Variants in FBN3 observed in about 807,000 individuals in gnomAD.
FBN3 encodes fibrillin 3, also known as fibrillin-3.
FBN3 carries 234 observed loss-of-function variants against 330.1 expected under a neutral mutation model. That is an observed-to-expected ratio of 0.71 (90% CI 0.64 to 0.79). The LOEUF is 0.79. Ranked by LOEUF, FBN3 falls within the 30% of genes least tolerant of loss-of-function variation. The pLI is 0.00. For missense variants in FBN3, 3,606 were observed against 3,886.9 expected (o/e 0.93, Z 1.92); for synonymous variants, 1,458 against 1,517.3 (o/e 0.96, Z 0.91).
At chr19:8,100,714 A>G (rs1373626102) in intron 41 of FBN3, among the ~76,000 whole-genome samples, 187 bp downstream of exon 41, 1 of 152,152 alleles carries the variant, frequency 6.6e-6, no homozygotes, top group Non-Finnish European at 1.5e-5. Flanking sequence ...AAATAGTGTC[A>G]TTCTTTTTTT....
chr19:8,148,365 G>C (rs536852657), intron 1 of FBN3, among the ~76,000 whole-genome samples: 4 of 152,302 alleles, frequency 2.6e-5, no homozygotes, highest in African/African-American at 9.6e-5. Context: ...AATGCAGAGA[G>C]TAACCCTGTG....
intron 37 of FBN3, among the ~76,000 whole-genome samples, chr19:8,106,949 G>A (rs1241269427): frequency 2.0e-5 from 3 of 151,354 alleles, no homozygotes. Flanking sequence ...AGGTGGGTGG[G>A]AGATGGATGG....
chr19:8,130,665 GAAAAGAAAAGAAAAGAAAAGAAAA>G (rs2083123300), intron 16 of FBN3, among the ~76,000 whole-genome samples: 1 of 109,442 alleles, frequency 9.1e-6, no homozygotes, highest in African/African-American at 4.0e-5. Context: ...GAAAGGAAAA[GAAAAGAAAAGAAAAGAAAAGAAAA>G]GAAAAGAAAA....
chr19:8,132,312 T>A (rs1390053611), intron 14 of FBN3, among the ~76,000 whole-genome samples: 1 of 152,052 alleles, frequency 6.6e-6, no homozygotes, highest in Non-Finnish European at 1.5e-5. Context: ...CCTTCCAAAG[T>A]GCTGGGATTA....
intron 6 of FBN3, among the ~76,000 whole-genome samples, chr19:8,143,317 G>A (rs1166413104): frequency 6.6e-6 from 1 of 151,846 alleles, no homozygotes; most frequent in Admixed American, 6.6e-5. Flanking sequence ...AAGTCCCTCG[G>A]CCAACACTGA....
At chr19:8,135,936 G>GGGGGGGGGGGGGGGCGGGCGCCCCCCCC in intron 13 of FBN3, 25 bp downstream of exon 13, 1 of 668,778 alleles carries the variant, frequency 1.5e-6, no homozygotes. Context: ...GGAAGCCCCT[G>GGGGGGGGGGGGGGGCGGGCGCCCCCCCC]CCCACCCGCC....
intron 24 of FBN3, among the ~76,000 whole-genome samples, chr19:8,122,090 C>T (rs1410479414): frequency 6.6e-6 from 1 of 151,986 alleles, no homozygotes; most frequent in South Asian, 2.1e-4. Flanking sequence ...GGTGTGATCA[C>T]AGCTCACTGC....
At chr19:8,091,908 G>A (rs1223275063) in intron 47 of FBN3, among the ~76,000 whole-genome samples, 2 of 152,190 alleles carry the variant, frequency 1.3e-5, no homozygotes, top group Non-Finnish European at 2.9e-5. Flanking sequence ...AAGGCCGGGC[G>A]CGGTGGCTCA....
chr19:8,134,114 T>C (rs1430037319), intron 13 of FBN3, among the ~76,000 whole-genome samples: 5 of 149,190 alleles, frequency 3.4e-5, no homozygotes, highest in East Asian at 2.0e-4. Flanking sequence ...TGGTGGTGGG[T>C]GCCTGTGGTC....
rs759880131 is a variant in FBN3, at chr19:8,087,096, G to T, written c.6735C>A (p.Gly2245=). ...CCATACCTGTGCAGCCCTCCCCAGAGCCAGGCAGGGGCCGCATGCCTGGGG... is the reference window on the plus strand; with the variant it reads ...CCATACCTGTGCAGCCCTCCCCAGATCCAGGCAGGGGCCGCATGCCTGGGG... ...VCPPGMRPLP[G]SGEGCTDDNE... is the part of the protein sequence containing the mutation. Residue 2245 remains glycine (G), a synonymous_variant, in exon 54 of 64, where the codon GGC becomes GGA. Transcript: ENST00000600128. The T allele has an allele frequency of 1.7e-5, 27 of 1,609,198 alleles. No homozygotes were observed. The highest frequency in any genetic ancestry group is 2.2e-5 in the Non-Finnish European group (26 of 1,179,322).
intron 50 of FBN3, 45 bp from the exon 51 acceptor site, chr19:8,089,715 A>G (rs374235938): frequency 1.9e-6 from 3 of 1,608,758 alleles, no homozygotes; most frequent in Non-Finnish European, 2.5e-6. Flanking sequence ...TCACCACACA[A>G]TCGCCAGAGC....
rs140620104 is a variant in FBN3 at position 8,087,132 on chromosome 19, C to A, written c.6699G>T (p.Ala2233=). 4 of 1,611,034 alleles carry A rather than the reference C, an allele frequency of 2.5e-6. No homozygotes were observed. In the African/African-American group the frequency reaches 4.0e-5, roughly 16 times the overall value. ...GCCGCATGCCTGGGGGACAGACGCA[C>A]GCGAAGGTACCGATGAGGTTCTTGC... The part of the protein sequence containing the change: ...MECKNLIGTF[A]CVCPPGMRPL... The change falls in exon 54 of 64, where the codon GCG becomes GCT. Residue 2233 remains alanine, a synonymous_variant. Coordinates refer to ENST00000600128, the MANE Select transcript of FBN3 (RefSeq NM_032447.5).
At position 8,096,115 on chromosome 19, in the gene FBN3, A is replaced by C; in HGVS notation, c.5540-35T>G. ...CAAAGCCGAGAGCCCAACCCAGCTC[A>C]CCCAGGGCATTGGGGAACTTGGGGA... On this transcript the variant is annotated intron_variant, in intron 44 of 63. Transcript: ENST00000600128. This position sits in a 1 kb window ranked among gnomAD's most constrained non-coding sequence, Gnocchi z 4.6. 158 of 1,530,688 alleles carry C rather than the reference A, an allele frequency of 1.0e-4. No homozygotes were observed. The highest frequency in any genetic ancestry group is 1.3e-4 in the Non-Finnish European group (145 of 1,104,464). The allele number at this position is 1,530,688 out of a possible 1,614,324, so 94.8% of individuals were successfully genotyped here.
At position 8,102,861 on chromosome 19, in the gene FBN3, C is replaced by G. The variant is rs768423750; in HGVS notation, c.4952G>C (p.Ser1651Thr). The G allele has an allele frequency of 1.2e-5, 19 of 1,614,046 alleles. No homozygotes were observed. The highest frequency in any genetic ancestry group is 1.4e-5 in the Non-Finnish European group (17 of 1,180,028). ...GCCGTTATAGTGCCGGAAGCAGACA[C>G]TCTTCCTCATATCTGTAGTTGGCAC... is the stretch of plus-strand genomic sequence containing the variant. ...GGNNCMDMRK[S>T]VCFRHYNGTC... The change falls in exon 40 of 64, where the codon AGT (serine) becomes ACT (threonine). Residue 1651 changes from serine (S) to threonine (T), a missense_variant. Coordinates refer to ENST00000600128, the MANE Select transcript of FBN3 (RefSeq NM_032447.5).
chr19:8,126,404 G>A (rs553960179), intron 20 of FBN3, 57 bp from the exon 21 acceptor site: 9 of 1,588,246 alleles, frequency 5.7e-6, no homozygotes, highest in African/African-American at 5.3e-5. Context: ...CCAGCCCAAG[G>A]GGGGACCCGC....
chr19:8,125,488 G>A (rs1196297363), intron 22 of FBN3, among the ~76,000 whole-genome samples: 3 of 151,766 alleles, frequency 2.0e-5, no homozygotes, highest in Non-Finnish European at 4.4e-5. Flanking sequence ...CCCAAAGGAT[G>A]CCTGAAATCT....
intron 57 of FBN3, among the ~76,000 whole-genome samples, chr19:8,082,019 G>A (rs1164062606): frequency 3.3e-5 from 5 of 150,780 alleles, no homozygotes; most frequent in African/African-American, 7.3e-5. Flanking sequence ...GCTGGAATGC[G>A]ATGGCGCAAT....
intron 38 of FBN3, among the ~76,000 whole-genome samples, chr19:8,105,562 G>C (rs2082420876): frequency 6.6e-6 from 1 of 152,098 alleles, no homozygotes; most frequent in Non-Finnish European, 1.5e-5. Flanking sequence ...ACCCAGCCTT[G>C]AATTTCATAT....
rs767691659 is a variant in FBN3 at position 8,147,159 on chromosome 19, A to C, written c.195T>G (p.His65Gln). ...TCCTCCAGCCTGGACAGCAGTAGGC[A>C]TGGAACCGGGAGCCGCACACATTCG... ...QGPNVCGSRFHAYCCPGWRTF... is the reference protein window; with the variant it reads ...QGPNVCGSRFQAYCCPGWRTF... Residue 65 changes from histidine (H) to glutamine (Q), a missense_variant, in exon 3 of 64, where the codon CAT (histidine) becomes CAG (glutamine). By Grantham distance (24) the His-to-Gln change is conservative. Transcript: ENST00000600128. 1.9e-6 allele frequency: 3 copies of C among 1,572,490 alleles called. No homozygotes were observed. Among genetic ancestry groups the C allele is most frequent in the Middle Eastern group, 3.6e-4 (2 of 5,538 alleles).
Sources: gnomAD v4.1 joint callset for allele counts (sites outside exome capture counted in the v4.1 genomes callset) on GRCh38, gnomAD v4.1.1 for gene constraint, Gnocchi (gnomAD v3.1) non-coding constraint, MANE v1.5 for transcripts, NCBI Gene and HGNC (gene_info 2026-07-23, HGNC 2026-07-21) for gene names.